Variants in ZNF106 observed in about 807,000 individuals in gnomAD.
ZNF106 encodes the protein zinc finger protein 106, also known as SH3-domain binding protein 3.
In ZNF106, 67 loss-of-function variants were observed where a neutral mutation model predicts 195.1. That is an observed-to-expected ratio of 0.34 (90% CI 0.28 to 0.42). The LOEUF (loss-of-function observed/expected upper bound fraction) is 0.42, where lower values mean the gene tolerates loss of function less well. Ranked by LOEUF, ZNF106 falls within the 10% of genes least tolerant of loss-of-function variation. The pLI is 1.00. For synonymous variants in ZNF106, 784 were observed against 818.6 expected (o/e 0.96, Z 0.72); for missense variants, 2,118 against 2,304.5 (o/e 0.92, Z 1.66).
At chr15:42,434,867 G>A (rs1275787710) in intron 14 of ZNF106, among the ~76,000 whole-genome samples, 1 of 150,924 alleles carries the variant, frequency 6.6e-6, no homozygotes, top group Non-Finnish European at 1.5e-5. Context: ...TCCACCTCCT[G>A]GGTTCAAGTG....
At chr15:42,449,695 A>T in intron 5 of ZNF106, 76 bp downstream of exon 5, 1 of 1,511,404 alleles carries the variant, frequency 6.6e-7, no homozygotes, top group Non-Finnish European at 8.8e-7. Context: ...AAACACGTAG[A>T]ATTCTCTTGA....
intron 9 of ZNF106, among the ~76,000 whole-genome samples, chr15:42,442,711 G>C (rs2055601321): frequency 6.6e-6 from 1 of 151,088 alleles, no homozygotes; most frequent in Non-Finnish European, 1.5e-5. Flanking sequence ...TGACCTCCTG[G>C]ACTCAAGCAA....
At chr15:42,429,487 G>A (rs905680406) in intron 14 of ZNF106, among the ~76,000 whole-genome samples, 5 of 151,726 alleles carry the variant, frequency 3.3e-5, no homozygotes, top group African/African-American at 9.7e-5. Flanking sequence ...AGACCCAGGT[G>A]TAGCTTTTTA....
In ZNF106 at chr15:42,458,890, ACACT is replaced by A. The variant is rs1156989354; in HGVS notation, c.117-1736_117-1733del. The stretch of plus-strand genomic sequence containing the variant: ...TCTTGTTTAGGGTGACAAAGTTTAA[ACACT>A]CAAACAATGCCCAGTAAGTTTAAAA... On this transcript the variant is annotated intron_variant, in intron 3 of 21. Transcript: ENST00000564754. 3.0e-4 allele frequency among the ~76,000 whole-genome samples: 46 copies of A among 152,088 alleles called. 1 individual carries two copies. The highest frequency in any genetic ancestry group is 1.1e-3 in the African/African-American group (45 of 41,510).
chr15:42,476,518 G>A (rs2056787805), intron 1 of ZNF106, among the ~76,000 whole-genome samples: 1 of 152,140 alleles, frequency 6.6e-6, no homozygotes, highest in Non-Finnish European at 1.5e-5. Flanking sequence ...TTGGCCAGCT[G>A]ATCAAGAACT....
intron 10 of ZNF106, chr15:42,441,754 C>A: frequency 5.2e-6 from 1 of 191,736 alleles, no homozygotes; most frequent in East Asian, 1.3e-4. Flanking sequence ...AGAAAATTGG[C>A]TGAATTAACT....
rs114895992 is a variant in ZNF106 at position 42,431,618 on chromosome 15, T to C, written c.4882-3484A>G. On this transcript the variant is annotated intron_variant, in intron 14 of 21. Coordinates refer to ENST00000564754, the MANE Select transcript of ZNF106 (RefSeq NM_001366845.3). ...TTTTGAGACGGAGTTTACTTATTTT[T>C]TCAGACGCACCACACCCAGCTAATT... Among the ~76,000 whole-genome samples the C allele has an allele frequency of 6.1e-3, 930 of 152,138 alleles. 8 individuals carry two copies. The highest frequency in any genetic ancestry group is 0.022 in the African/African-American group (906 of 41,528).
intron 20 of ZNF106, among the ~76,000 whole-genome samples, chr15:42,418,735 A>C (rs1354762248): frequency 1.3e-5 from 2 of 151,966 alleles, no homozygotes; most frequent in Non-Finnish European, 2.9e-5. Context: ...TGAAAATAAA[A>C]ATGTCTGATA....
chr15:42,448,689 C>T lies in ZNF106; in HGVS notation c.2518G>A (p.Val840Ile), dbSNP rs767255193. Residue 840 changes from valine (V) to isoleucine (I), a missense_variant, in exon 6 of 22, where the codon GTA (valine) becomes ATA (isoleucine). Physicochemically the swap from Val to Ile is conservative, Grantham distance 29 (BLOSUM62 3). Transcript: ENST00000564754. ...TCTTGTTCATTTTGAACAAGGGGTA[C>T]CATTTCTATGCCAAACCTTAAGGAA... is the stretch of plus-strand genomic sequence containing the variant. ...KGLPRFGIEM[V>I]PLVQNEQEAL... 4 of 1,601,912 alleles carry T rather than the reference C, an allele frequency of 2.5e-6. No individual in the cohort carries two copies. Among genetic ancestry groups the T allele is most frequent in the Non-Finnish European group, 3.4e-6 (4 of 1,177,054 alleles).
Position 42,451,508 on chromosome 15 carries a change from G to A in ZNF106, c.764C>T (p.Thr255Ile). The A allele has an allele frequency of 6.2e-7, 1 of 1,614,096 alleles. No individual in the cohort carries two copies. Among genetic ancestry groups the A allele is most frequent in the Non-Finnish European group, 8.5e-7 (1 of 1,180,016 alleles). Residue 255 changes from threonine (T) to isoleucine (I), a missense_variant, in exon 5 of 22, where the codon ACA (threonine) becomes ATA (isoleucine). By Grantham distance (89) the Thr-to-Ile change is moderately conservative (BLOSUM62 -1). Coordinates refer to ENST00000564754, the MANE Select transcript of ZNF106 (RefSeq NM_001366845.3). Reference protein sequence around the residue: ...NGNWKSSVRSTNNWNYSGPGD... With the variant: ...NGNWKSSVRSINNWNYSGPGD... Reference sequence around the variant, plus strand: ...AGGGCCACTGTAATTCCAATTATTTGTACTACGTACACTGGATTTCCAGTT... The same window carrying A: ...AGGGCCACTGTAATTCCAATTATTTATACTACGTACACTGGATTTCCAGTT...
chr15:42,425,220 TGAG>T (rs2054811525), intron 15 of ZNF106, among the ~76,000 whole-genome samples, 195 bp from the exon 16 acceptor site: 1 of 152,228 alleles, frequency 6.6e-6, no homozygotes, highest in Non-Finnish European at 1.5e-5. Flanking sequence ...TCCCCTGATC[TGAG>T]GAGGGCAAAC....
chr15:42,438,349 C>T (rs2055365086), intron 12 of ZNF106, among the ~76,000 whole-genome samples: 2 of 152,190 alleles, frequency 1.3e-5, no homozygotes, highest in Admixed American at 1.3e-4. Flanking sequence ...AGAGATAGCG[C>T]CACTGCACTC....
At position 42,486,013 on chromosome 15, in the gene ZNF106, G is replaced by GGT. The variant is rs567826526; in HGVS notation, c.-33+4965_-33+4966dup. ...TCGCTCTGTCGCCAGGCTGGAGTGT[G>GGT]GTGGCATGATCTGAGCTCACTGCAA... On this transcript the variant is annotated intron_variant, in intron 1 of 21. Coordinates refer to ENST00000564754, the MANE Select transcript of ZNF106 (RefSeq NM_001366845.3). Among the ~76,000 whole-genome samples, 637 of 148,110 alleles carry GGT rather than the reference G, an allele frequency of 4.3e-3. 2 individuals carry two copies. Among genetic ancestry groups the GGT allele is most frequent in the Non-Finnish European group, 6.3e-3 (425 of 67,360 alleles).
At chr15:42,486,240 G>A (rs2057013339) in intron 1 of ZNF106, among the ~76,000 whole-genome samples, 1 of 151,710 alleles carries the variant, frequency 6.6e-6, no homozygotes, top group Admixed American at 6.6e-5. Flanking sequence ...CTACAGGCGT[G>A]AGCCACCGCG....
chr15:42,462,314 T>C (rs1240847975), intron 3 of ZNF106, among the ~76,000 whole-genome samples: 3 of 152,120 alleles, frequency 2.0e-5, no homozygotes, highest in East Asian at 1.9e-4. Context: ...TATAAATGTA[T>C]AGGCCAGGCG....
At position 42,424,079 on chromosome 15, in the gene ZNF106, C is replaced by T; in HGVS notation, c.5191-19G>A. On this transcript the variant is annotated intron_variant, in intron 16 of 21. Transcript: ENST00000564754. ...TCACCACCTTAAAGAAAAAATTAAA[C>T]AAGTCAGATTCTGTATACGGTTCTT... 1 of 1,607,730 alleles carries T rather than the reference C, an allele frequency of 6.2e-7. No homozygotes were observed. Among genetic ancestry groups the T allele is most frequent in the South Asian group, 1.1e-5 (1 of 89,916 alleles).
At chr15:42,476,117 G>C (rs1334050115) in intron 1 of ZNF106, among the ~76,000 whole-genome samples, 1 of 151,882 alleles carries the variant, frequency 6.6e-6, no homozygotes, top group East Asian at 1.9e-4. Flanking sequence ...TTTCTAATCT[G>C]CATGTATTAA....
intron 20 of ZNF106, 52 bp from the exon 21 acceptor site, chr15:42,418,003 G>A: frequency 6.3e-7 from 1 of 1,582,588 alleles, no homozygotes; most frequent in Non-Finnish European, 8.6e-7. Flanking sequence ...CAGTGAACGT[G>A]AATCAGAACA....
chr15:42,465,132 C>T (rs1462614595), intron 3 of ZNF106, among the ~76,000 whole-genome samples: 1 of 152,238 alleles, frequency 6.6e-6, no homozygotes, highest in African/African-American at 2.4e-5. Context: ...AACTCCTGGG[C>T]TCAAGCAATC....
Sources: allele counts gnomAD v4.1 joint callset (sites outside exome capture counted in the v4.1 genomes callset), GRCh38; gene constraint gnomAD v4.1.1; transcripts MANE v1.5; gene names NCBI Gene and HGNC (gene_info 2026-07-23, HGNC 2026-07-21).